Variants in TRNT1 observed in about 807,000 individuals in gnomAD.
TRNT1 encodes CCA tRNA nucleotidyltransferase 1, mitochondrial.
Under a neutral mutation model 45.6 loss-of-function variants are expected in TRNT1, and 44 were observed. The observed-to-expected ratio is 0.97, with a 90% confidence interval of 0.76 to 1.24. TRNT1 has a LOEUF of 1.24. TRNT1 is among the 50% of genes most tolerant of loss of function. The pLI, the probability that TRNT1 is intolerant of heterozygous loss-of-function variation, is 0.00. For missense variants in TRNT1, 633 were observed against 504.4 expected (o/e 1.25, Z -2.44); for synonymous variants, 201 against 171.4 (o/e 1.17, Z -1.35).
downstream of TRNT1, chr3:3,152,512 C>CTTA: frequency 7.4e-6 from 12 of 1,614,032 alleles, no homozygotes; most frequent in Non-Finnish European, 1.0e-5. Context: ...AGTTGCAAGC[C>CTTA]TTATACACAG....
chr3:3,129,881 G>A, intron 2 of TRNT1: 1 of 1,550,574 alleles, frequency 6.4e-7, no homozygotes, highest in Non-Finnish European at 8.7e-7. Flanking sequence ...TGATTTCAGA[G>A]CCCAGCTTGC....
At chr3:3,152,185 C>CT (rs567870743), downstream of TRNT1, among the ~76,000 whole-genome samples, 141 of 148,552 alleles carry the variant, frequency 9.5e-4, no homozygotes, top group Non-Finnish European at 1.9e-3. Context: ...GATTCTCACT[C>CT]TGTCACCCAG....
chr3:3,147,644 T>C lies in TRNT1; in HGVS notation c.997T>C (p.Leu333=). ...ATTTATAGTTAAAAATAGGAAAGAT[T>C]TAATTAAAGCAACAGATAGTTCAGA... is the stretch of plus-strand genomic sequence containing the variant. ...GLFIVKNRKD[L]IKATDSSDPL... Residue 333 remains leucine (L), a synonymous_variant, in exon 7 of 8, where the codon TTA becomes CTA. Coordinates refer to ENST00000251607, the MANE Select transcript of TRNT1 (RefSeq NM_182916.3). 1 of 1,613,792 alleles carries C rather than the reference T, an allele frequency of 6.2e-7. No homozygotes were observed. The highest frequency in any genetic ancestry group is 8.5e-7 in the Non-Finnish European group (1 of 1,179,760).
chr3:3,145,945 C>T (rs756449714), intron 5 of TRNT1, among the ~76,000 whole-genome samples: 1 of 151,284 alleles, frequency 6.6e-6, no homozygotes, highest in Non-Finnish European at 1.5e-5. Flanking sequence ...CCAGGGTGCG[C>T]AACTAGATGA....
At chr3:3,127,932 A>G (rs574544222) in intron 1 of TRNT1, 5 of 152,314 alleles carry the variant, frequency 3.3e-5, no homozygotes, top group African/African-American at 1.2e-4. Flanking sequence ...AAAGGAGTTT[A>G]TTTCTGTAAC....
At chr3:3,137,542 A>T in intron 3 of TRNT1, 89 bp downstream of exon 3, 1 of 1,168,404 alleles carries the variant, frequency 8.6e-7, no homozygotes, top group African/African-American at 1.6e-5. Context: ...AATAACGAAA[A>T]GTCTAATAAA....
rs985101465 is a variant in TRNT1 at position 3,147,572 on chromosome 3, T to G, written c.925T>G (p.Leu309Val). Residue 309 changes from leucine (L) to valine (V), a missense_variant, in exon 7 of 8, where the codon TTG becomes GTG. Physicochemically the swap from Leu to Val is conservative, Grantham distance 32. Coordinates refer to ENST00000251607, the MANE Select transcript of TRNT1 (RefSeq NM_182916.3). ...CAAAGTACAAGATGATGTCACAAAA[T>G]TGGATTTGAGGTTGAAGATCGCAAA... is the stretch of plus-strand genomic sequence containing the variant. The part of the protein sequence containing the change: ...LFKVQDDVTK[L>V]DLRLKIAKEE... 8 of 1,613,942 alleles carry G rather than the reference T, an allele frequency of 5.0e-6. No homozygotes were observed. The highest frequency in any genetic ancestry group is 6.8e-6 in the Non-Finnish European group (8 of 1,179,898).
downstream of TRNT1, chr3:3,149,870 A>C (rs997247770): frequency 6.6e-6 from 1 of 152,136 alleles, no homozygotes; most frequent in Non-Finnish European, 1.5e-5. Context: ...GACTACCAAT[A>C]AAACGAAAGT....
At chr3:3,133,043 C>G (rs62228604) in intron 2 of TRNT1, among the ~76,000 whole-genome samples, 10,202 of 152,202 alleles carry the variant, frequency 0.067, 665 homozygotes, top group African/African-American at 0.17. Context: ...CACAGCCTTT[C>G]TGATGGCTGC....
chr3:3,152,258 T>C (rs1470870278), downstream of TRNT1, among the ~76,000 whole-genome samples: 3 of 151,858 alleles, frequency 2.0e-5, no homozygotes, highest in African/African-American at 4.8e-5. Context: ...GTTCAAGAGA[T>C]TCTTGTGCCT....
intron 5 of TRNT1, 137 bp downstream of exon 5, chr3:3,144,847 C>T: frequency 2.6e-6 from 2 of 770,166 alleles, no homozygotes; most frequent in South Asian, 3.1e-5. Flanking sequence ...AGACCTAGCA[C>T]CCTATGACTT....
At chr3:3,150,660 G>C, downstream of TRNT1, 1 of 518,316 alleles carries the variant, frequency 1.9e-6, no homozygotes, top group Non-Finnish European at 3.5e-6. Context: ...TGGTATTCTA[G>C]ACTGCCGTTC....
chr3:3,131,092 AT>A (rs931488590), intron 2 of TRNT1, among the ~76,000 whole-genome samples: 4 of 151,714 alleles, frequency 2.6e-5, no homozygotes, highest in African/African-American at 4.8e-5. Flanking sequence ...AAAAAAAAAA[AT>A]TAATGAGATA....
At chr3:3,127,710 A>C (rs1050342718) in intron 1 of TRNT1, 1 of 152,286 alleles carries the variant, frequency 6.6e-6, no homozygotes, top group African/African-American at 2.4e-5. Flanking sequence ...ACCTGTGACC[A>C]TGACAAGTTT....
At chr3:3,151,205 TCTAAAAACA>T (rs1706519928), downstream of TRNT1, among the ~76,000 whole-genome samples, 3 of 152,216 alleles carry the variant, frequency 2.0e-5, no homozygotes, top group Admixed American at 1.3e-4. Flanking sequence ...TAAAAACATT[TCTAAAAACA>T]TTTTCTAATT....
downstream of TRNT1, chr3:3,150,297 C>T (rs888012434): frequency 3.3e-5 from 5 of 151,732 alleles, no homozygotes; most frequent in African/African-American, 1.2e-4. Context: ...CATATTTTAA[C>T]TAATTTTCAA....
At chr3:3,136,293 T>C (rs971661211) in intron 2 of TRNT1, among the ~76,000 whole-genome samples, 2 of 152,292 alleles carry the variant, frequency 1.3e-5, no homozygotes, top group East Asian at 3.9e-4. Context: ...AGCTCCTGGA[T>C]GCCATTCTCA....
At chr3:3,137,845 T>A (rs1274544326) in intron 3 of TRNT1, among the ~76,000 whole-genome samples, 1 of 152,228 alleles carries the variant, frequency 6.6e-6, no homozygotes, top group African/African-American at 2.4e-5. Context: ...ATATTCAGGG[T>A]TCACGTTTAT....
intron 3 of TRNT1, among the ~76,000 whole-genome samples, chr3:3,139,955 C>T (rs1384911447): frequency 6.6e-6 from 1 of 152,162 alleles, no homozygotes; most frequent in East Asian, 1.9e-4. Context: ...TCTTGAACTC[C>T]TGAGCTCAAG....
Sources: allele counts gnomAD v4.1 joint callset (sites outside exome capture counted in the v4.1 genomes callset), GRCh38; gene constraint gnomAD v4.1.1; transcripts MANE v1.5; gene names NCBI Gene and HGNC (gene_info 2026-07-23, HGNC 2026-07-21).